RORA: variants seen among roughly 807,000 people sequenced by gnomAD.
The protein encoded by RORA is nuclear receptor ROR-alpha.
A neutral mutation model predicts 69.5 loss-of-function variants in RORA; 7 were observed. The ratio of observed to expected loss-of-function variants is 0.10; its 90% CI spans 0.06 to 0.19. The LOEUF is 0.19. Ranked by LOEUF, RORA falls within the 10% of genes least tolerant of loss-of-function variation. The pLI is 1.00. For missense variants in RORA, 457 were observed against 663.0 expected, an observed-to-expected ratio of 0.69 and a Z score of 3.41; for synonymous variants, 261 against 240.8, an observed-to-expected ratio of 1.08 and a Z score of -0.78.
chr15:60,930,624 C>T (rs563760317), intron 1 of RORA, among the ~76,000 whole-genome samples: 55 of 152,330 alleles, frequency 3.6e-4, no homozygotes, highest in African/African-American at 1.2e-3. Flanking sequence ...AATGCAACAG[C>T]CTTGTAGCTC....
Position 61,061,068 on chromosome 15 carries a change from C to A in RORA, c.166+167985G>T, listed in dbSNP as rs983519196. Among the ~76,000 whole-genome samples, 1 of 152,130 alleles carries A rather than the reference C, an allele frequency of 6.6e-6. No homozygotes were observed. The highest frequency in any genetic ancestry group is 1.5e-5 in the Non-Finnish European group (1 of 68,024). ...TGGAATTTGGCATTAAAGGGCATTG[C>A]AAGGGCTGGGCGCGGTGGCTCGTGC... On this transcript the variant is annotated intron_variant, in intron 1 of 10. Coordinates refer to ENST00000335670, the MANE Select transcript of RORA (RefSeq NM_134261.3). This position sits in a 1 kb window ranked among gnomAD's most constrained non-coding sequence, Gnocchi z 4.4.
intron 2 of RORA, among the ~76,000 whole-genome samples, chr15:60,644,383 C>G (rs1211309738): frequency 6.6e-6 from 1 of 152,148 alleles, no homozygotes; most frequent in African/African-American, 2.4e-5. Flanking sequence ...CATTGAAAGT[C>G]GTCTCCTGTT....
At chr15:60,917,218 G>T (rs1891901278) in intron 1 of RORA, among the ~76,000 whole-genome samples, 1 of 152,156 alleles carries the variant, frequency 6.6e-6, no homozygotes, top group Admixed American at 6.5e-5. Context: ...ATTTACTGGT[G>T]CCTTCCACAT....
intron 2 of RORA, among the ~76,000 whole-genome samples, chr15:60,555,565 A>G (rs1484203628): frequency 1.3e-5 from 2 of 152,164 alleles, no homozygotes; most frequent in Non-Finnish European, 2.9e-5. Flanking sequence ...ATTAGTGGCA[A>G]TGTTAAAATT....
intron 1 of RORA, among the ~76,000 whole-genome samples, chr15:61,015,051 G>C (rs751645744): frequency 6.6e-6 from 1 of 152,182 alleles, no homozygotes; most frequent in African/African-American, 2.4e-5. Flanking sequence ...CCCGAAGCTC[G>C]TTAAACTACC....
At chr15:60,498,411 C>T (rs1205425950) in intron 10 of RORA, among the ~76,000 whole-genome samples, 3 of 152,144 alleles carry the variant, frequency 2.0e-5, no homozygotes, top group African/African-American at 4.8e-5. Context: ...TAGTCAACTC[C>T]GATAACTACA....
chr15:61,040,147 T>G (rs1392143534), intron 1 of RORA, among the ~76,000 whole-genome samples: 2 of 105,106 alleles, frequency 1.9e-5, no homozygotes, highest in African/African-American at 6.3e-5. Context: ...TATATATATA[T>G]ATATATATAT....
chr15:61,059,988 G>GGAAGAAGAAGAAGAAGAAGAA lies in RORA; in HGVS notation c.166+169044_166+169064dup, dbSNP rs71122901. On this transcript the variant is annotated intron_variant, in intron 1 of 10. Transcript: ENST00000335670. ...AGGAAGAGGAAGAGGAAGAGGAAGA[G>GGAAGAAGAAGAAGAAGAAGAA]GAAGAAGAAGAAGAAGAAGAAGAAG... Among the ~76,000 whole-genome samples the GGAAGAAGAAGAAGAAGAAGAA allele has an allele frequency of 4.5e-3, 385 of 85,878 alleles. 4 individuals carry two copies. Among genetic ancestry groups the GGAAGAAGAAGAAGAAGAAGAA allele is most frequent in the Non-Finnish European group, 5.6e-3 (244 of 43,690 alleles). 56.3% of individuals were successfully genotyped at this position (85,878 alleles called of 152,430 possible).
chr15:61,160,286 T>C (rs1326014621), intron 1 of RORA, among the ~76,000 whole-genome samples: 1 of 152,174 alleles, frequency 6.6e-6, no homozygotes, highest in African/African-American at 2.4e-5. Context: ...TGTTTATAGA[T>C]ACTAGCTTAT....
chr15:60,610,743 A>G (rs1461347123), intron 2 of RORA, among the ~76,000 whole-genome samples: 1 of 151,952 alleles, frequency 6.6e-6, no homozygotes, highest in Non-Finnish European at 1.5e-5. Context: ...AGAGAGAAGG[A>G]AAAAAAACCC....
At chr15:60,598,851 G>C (rs796482391) in intron 2 of RORA, among the ~76,000 whole-genome samples, 10 of 152,230 alleles carry the variant, frequency 6.6e-5, no homozygotes, top group African/African-American at 2.4e-4. Flanking sequence ...AGGCCCTGTG[G>C]TCTAGCAGGC....
intron 1 of RORA, among the ~76,000 whole-genome samples, chr15:60,996,783 G>A (rs1326654149): frequency 2.0e-5 from 3 of 152,076 alleles, no homozygotes; most frequent in East Asian, 1.9e-4. Flanking sequence ...GGTGGCAGGC[G>A]CCTGTAGTCG....
chr15:60,670,067 C>T (rs1226260489), intron 2 of RORA, among the ~76,000 whole-genome samples: 2 of 152,102 alleles, frequency 1.3e-5, no homozygotes, highest in East Asian at 1.9e-4. Context: ...CCTCAGACCC[C>T]GATATTACAG....
At chr15:60,943,437 AAG>A (rs1215201411) in intron 1 of RORA, among the ~76,000 whole-genome samples, 2 of 152,158 alleles carry the variant, frequency 1.3e-5, no homozygotes, top group East Asian at 3.8e-4. Flanking sequence ...CATACTTAAA[AAG>A]AGATGTTATT....
At position 60,891,996 on chromosome 15, in the gene RORA, T is replaced by C. The variant is rs117545237; in HGVS notation, c.167-213310A>G. On this transcript the variant is annotated intron_variant, in intron 1 of 10. Coordinates refer to ENST00000335670, the MANE Select transcript of RORA (RefSeq NM_134261.3). ...AGAGGAAGATGACAAAGAAGTTTCA[T>C]CTTTGAAAAAAGCTCTAAAAGAATT... Among the ~76,000 whole-genome samples, 474 of 152,292 alleles carry C rather than the reference T, an allele frequency of 3.1e-3. 5 individuals are homozygous for C. Among genetic ancestry groups the C allele is most frequent in the East Asian group, 0.019 (98 of 5,192 alleles).
At chr15:61,104,176 G>C (rs762262660) in intron 1 of RORA, among the ~76,000 whole-genome samples, 9 of 152,180 alleles carry the variant, frequency 5.9e-5, no homozygotes, top group Non-Finnish European at 1.0e-4. Flanking sequence ...CTCACGGTCA[G>C]CTATGCACAA....
At chr15:60,892,236 T>C (rs2073820077) in intron 1 of RORA, among the ~76,000 whole-genome samples, 1 of 152,162 alleles carries the variant, frequency 6.6e-6, no homozygotes, top group Non-Finnish European at 1.5e-5. Flanking sequence ...CAAGGCTGGG[T>C]AACAGCACAC....
chr15:61,092,900 C>G lies in RORA; in HGVS notation c.166+136153G>C, dbSNP rs77470950. Among the ~76,000 whole-genome samples, 298 of 152,278 alleles carry G rather than the reference C, an allele frequency of 2.0e-3. 8 individuals carry two copies. The East Asian group carries it at 0.054, about 28-fold the overall frequency. On this transcript the variant is annotated intron_variant, in intron 1 of 10. Coordinates refer to ENST00000335670, the MANE Select transcript of RORA (RefSeq NM_134261.3). The stretch of plus-strand genomic sequence containing the variant: ...GATTTAGGGGCTCTCCACAGTGCCT[C>G]TCTCCAGATAAACTCCAGGGGATTC...
rs556205475 is a variant in RORA, at chr15:60,850,411, G to A, written c.167-171725C>T. Among the ~76,000 whole-genome samples, 13 of 152,196 alleles carry A rather than the reference G, an allele frequency of 8.5e-5. No individual in the cohort carries two copies. The South Asian group carries it at 2.7e-3, about 32-fold the overall frequency. The stretch of plus-strand genomic sequence containing the variant: ...ATGCTGGTGTGATGTTTAAGCGGGG[G>A]GTCAGATGGTACCCGATTCAAATCC... On this transcript the variant is annotated intron_variant, in intron 1 of 10. Transcript: ENST00000335670.
Sources: allele counts gnomAD v4.1 joint callset (sites outside exome capture counted in the v4.1 genomes callset), GRCh38; gene constraint gnomAD v4.1.1; non-coding constraint Gnocchi (gnomAD v3.1); transcripts MANE v1.5; gene names NCBI Gene and HGNC (gene_info 2026-07-23, HGNC 2026-07-21).